SNX29: variants seen among roughly 807,000 people sequenced by gnomAD.
SNX29 encodes the protein sorting nexin-29.
In SNX29, 78 loss-of-function variants were observed where a neutral mutation model predicts 102.1. The ratio of observed to expected loss-of-function variants is 0.76; its 90% CI spans 0.64 to 0.92. The LOEUF is 0.92. Among genes scored for constraint, SNX29 ranks in the 40% least tolerant of loss-of-function variants. The pLI, the probability that SNX29 is intolerant of heterozygous loss-of-function variation, is 0.00. For synonymous variants in SNX29, 580 were observed against 414.5 expected (o/e 1.40, Z -4.85); for missense variants, 1,280 against 1,061.7 (o/e 1.21, Z -2.86).
intron 19 of SNX29, among the ~76,000 whole-genome samples, chr16:12,507,868 C>G (rs1032524391): frequency 3.0e-4 from 45 of 152,178 alleles, no homozygotes; most frequent in African/African-American, 9.9e-4. Flanking sequence ...TTCTCCAGTT[C>G]CCAGCATGGC....
chr16:12,437,971 G>T (rs1567562537), intron 18 of SNX29, among the ~76,000 whole-genome samples: 1 of 152,040 alleles, frequency 6.6e-6, no homozygotes, highest in Admixed American at 6.6e-5. Context: ...GCCTGGTGTG[G>T]GCTCCTCACC....
At chr16:12,462,990 G>A (rs971723940) in intron 18 of SNX29, among the ~76,000 whole-genome samples, 8 of 152,180 alleles carry the variant, frequency 5.3e-5, no homozygotes, top group Non-Finnish European at 1.0e-4. Flanking sequence ...AGCTCCCATA[G>A]CAGTGACTCC....
intron 1 of SNX29, among the ~76,000 whole-genome samples, chr16:11,988,008 T>C (rs529102979): frequency 6.6e-6 from 1 of 152,134 alleles, no homozygotes; most frequent in Non-Finnish European, 1.5e-5. Flanking sequence ...AAATGTTTCT[T>C]GGAGGCTGGG....
intron 3 of SNX29, among the ~76,000 whole-genome samples, chr16:12,010,816 C>T (rs539958544): frequency 6.6e-5 from 10 of 151,874 alleles, no homozygotes; most frequent in African/African-American, 2.2e-4. Context: ...AGCTAAAAAC[C>T]AAAACCAGCT....
At chr16:12,267,368 G>A (rs1261447251) in intron 14 of SNX29, among the ~76,000 whole-genome samples, 1 of 152,040 alleles carries the variant, frequency 6.6e-6, no homozygotes, top group Non-Finnish European at 1.5e-5. Flanking sequence ...TTTCATCACT[G>A]GGTTCATCAT....
At chr16:12,546,308 C>T (rs1410472562) in intron 20 of SNX29, 1 of 152,244 alleles carries the variant, frequency 6.6e-6, no homozygotes, top group Non-Finnish European at 1.5e-5. Context: ...ATACCTGAGA[C>T]TGTGCAATTT....
chr16:12,003,200 A>T (rs2056350072), intron 3 of SNX29, among the ~76,000 whole-genome samples, 157 bp downstream of exon 3: 1 of 152,168 alleles, frequency 6.6e-6, no homozygotes, highest in Admixed American at 6.6e-5. Context: ...CAGCGCTGAA[A>T]TTTGACTCAA....
chr16:12,124,508 G>A (rs1260642726), intron 11 of SNX29, among the ~76,000 whole-genome samples: 1 of 152,132 alleles, frequency 6.6e-6, no homozygotes, highest in Non-Finnish European at 1.5e-5. Context: ...TATTTCCTTA[G>A]CGGAGTTGGT....
intron 20 of SNX29, among the ~76,000 whole-genome samples, chr16:12,555,998 T>C (rs1011811126): frequency 6.6e-6 from 1 of 151,614 alleles, no homozygotes; most frequent in Non-Finnish European, 1.5e-5. Flanking sequence ...GTTTTTTTTG[T>C]TCACTTGTCC....
chr16:12,466,468 G>A (rs2087056046), intron 18 of SNX29, among the ~76,000 whole-genome samples: 1 of 152,212 alleles, frequency 6.6e-6, no homozygotes, highest in African/African-American at 2.4e-5. Context: ...TCATGGGAGA[G>A]AGATACAGCA....
At chr16:12,178,665 C>T (rs141242112) in intron 13 of SNX29, among the ~76,000 whole-genome samples, 42 of 152,330 alleles carry the variant, frequency 2.8e-4, no homozygotes, top group African/African-American at 1.0e-3. Context: ...ATGGCCCGGG[C>T]CCTCTCTGTT....
intron 15 of SNX29, among the ~76,000 whole-genome samples, chr16:12,351,201 A>G (rs2044970011): frequency 8.0e-6 from 1 of 124,364 alleles, no homozygotes; most frequent in Non-Finnish European, 2.1e-5. Flanking sequence ...AAGAGGCCTG[A>G]CACTTAGTTG....
chr16:12,401,819 A>G (rs1317823422), intron 17 of SNX29, among the ~76,000 whole-genome samples: 1 of 152,210 alleles, frequency 6.6e-6, no homozygotes, highest in Non-Finnish European at 1.5e-5. Flanking sequence ...GTGAAGGAAC[A>G]AAAGGATGAA....
chr16:12,287,186 A>G (rs2151046537), intron 15 of SNX29, among the ~76,000 whole-genome samples: 1 of 152,290 alleles, frequency 6.6e-6, no homozygotes, highest in African/African-American at 2.4e-5. Context: ...TAGTCATGTC[A>G]GCAGCACACT....
intron 15 of SNX29, among the ~76,000 whole-genome samples, chr16:12,306,264 G>A (rs1041271285): frequency 2.0e-5 from 3 of 151,980 alleles, no homozygotes; most frequent in African/African-American, 7.2e-5. Context: ...AACCACTGTG[G>A]GTCTACATTT....
rs201847438 is a variant in SNX29, at chr16:12,060,144, C to CAA, written c.1125-1376_1125-1375dup. Among the ~76,000 whole-genome samples the CAA allele has an allele frequency of 8.7e-5, 13 of 150,060 alleles. No homozygotes were observed. In the East Asian group the frequency reaches 1.4e-3, roughly 16 times the overall value. ...ACCAACTGTGGATCAAAAATATTAC[C>CAA]AAAAAAAAACCAATAAAAATAATAC... On this transcript the variant is annotated intron_variant, in intron 8 of 20. Transcript: ENST00000566228.
At chr16:12,305,623 C>T (rs2080314209) in intron 15 of SNX29, among the ~76,000 whole-genome samples, 1 of 152,174 alleles carries the variant, frequency 6.6e-6, no homozygotes, top group East Asian at 1.9e-4. Flanking sequence ...TTTGATATTT[C>T]AAAACATTGC....
At chr16:12,460,226 G>T (rs980701281) in intron 18 of SNX29, among the ~76,000 whole-genome samples, 1 of 152,184 alleles carries the variant, frequency 6.6e-6, no homozygotes, top group African/African-American at 2.4e-5. Flanking sequence ...AGACGCAGCC[G>T]AACAGGCCTA....
At position 12,051,934 on chromosome 16, in the gene SNX29, G is replaced by C. The variant is rs118191509; in HGVS notation, c.836G>C (p.Gly279Ala). 0.026 allele frequency: 41,297 copies of C among 1,613,794 alleles called. 623 individuals are homozygous for C. The highest frequency in any genetic ancestry group is 0.03 in the Non-Finnish European group (35,588 of 1,179,836). ...GATGAGGAAGATGAGCAGAACTCTG[G>C]GGACGTGTTTAAAAAGACACCTGGG... ...FDDEEDEQNS[G>A]DVFKKTPGAG... The change falls in exon 8 of 21, where the codon GGG (glycine) becomes GCG (alanine). Residue 279 changes from glycine (G) to alanine (A), a missense_variant. Physicochemically the swap from Gly to Ala is moderately conservative, Grantham distance 60 (BLOSUM62 0). Coordinates refer to ENST00000566228, the MANE Select transcript of SNX29 (RefSeq NM_032167.5).
Sources: allele counts gnomAD v4.1 joint callset (sites outside exome capture counted in the v4.1 genomes callset), GRCh38; gene constraint gnomAD v4.1.1; transcripts MANE v1.5; gene names NCBI Gene and HGNC (gene_info 2026-07-23, HGNC 2026-07-21).